ASIC2: variants seen among roughly 807,000 people sequenced by gnomAD.
ASIC2 encodes the protein acid-sensing ion channel 2.
A neutral mutation model predicts 57.3 loss-of-function variants in ASIC2; 25 were observed. That is an observed-to-expected ratio of 0.44 (90% CI 0.32 to 0.61). ASIC2 has a LOEUF of 0.61. ASIC2 is among the 20% of genes least tolerant of loss of function. The probability of loss-of-function intolerance (pLI) is 0.06; values close to 1 mark genes in which losing one functional copy is unlikely to be tolerated. For synonymous variants in ASIC2, 319 were observed against 307.5 expected (o/e 1.04, Z -0.39); for missense variants, 641 against 738.1 (o/e 0.87, Z 1.52).
chr17:33,198,321 C>T (rs111517952), intron 1 of ASIC2, among the ~76,000 whole-genome samples: 3,689 of 152,314 alleles, frequency 0.024, 145 homozygotes, highest in African/African-American at 0.084. Context: ...CACTGCACTC[C>T]AGTCTGGGTG....
intron 1 of ASIC2, among the ~76,000 whole-genome samples, chr17:33,960,038 A>C (rs1904869504): frequency 6.6e-6 from 1 of 152,236 alleles, no homozygotes; most frequent in Admixed American, 6.5e-5. Flanking sequence ...TGTGTGATCC[A>C]GCCTGACCCA....
intron 1 of ASIC2, among the ~76,000 whole-genome samples, chr17:33,402,464 G>T (rs1910318653): frequency 6.6e-6 from 1 of 152,090 alleles, no homozygotes; most frequent in African/African-American, 2.4e-5. Flanking sequence ...ACATGCCCTA[G>T]TGTGTATTGT....
intron 1 of ASIC2, among the ~76,000 whole-genome samples, chr17:33,863,589 T>A (rs570992605): frequency 6.6e-6 from 1 of 152,282 alleles, no homozygotes; most frequent in African/African-American, 2.4e-5. Context: ...TAGGGTCCAT[T>A]CTCTCATGAT....
At chr17:33,901,461 C>T (rs1393000920) in intron 1 of ASIC2, among the ~76,000 whole-genome samples, 1 of 152,148 alleles carries the variant, frequency 6.6e-6, no homozygotes, top group Non-Finnish European at 1.5e-5. Context: ...TTTCTTCTTC[C>T]ATTCCTCCCT....
At chr17:33,601,747 A>G (rs2142010331) in intron 1 of ASIC2, among the ~76,000 whole-genome samples, 1 of 152,316 alleles carries the variant, frequency 6.6e-6, no homozygotes, top group East Asian at 1.9e-4. Flanking sequence ...CTGTGAGAGA[A>G]TGAGTGGATT....
intron 1 of ASIC2, among the ~76,000 whole-genome samples, chr17:33,141,506 C>T (rs1904320111): frequency 1.3e-5 from 2 of 152,330 alleles, no homozygotes; most frequent in South Asian, 4.1e-4. Context: ...CCTTCAAGCA[C>T]AGAGCAAACA....
chr17:33,081,432 C>A (rs967068177), intron 3 of ASIC2, among the ~76,000 whole-genome samples: 3 of 152,304 alleles, frequency 2.0e-5, no homozygotes, highest in East Asian at 3.9e-4. Flanking sequence ...ACACAGCGGG[C>A]CATCTCACCT....
chr17:33,881,786 A>G (rs1322066684), intron 1 of ASIC2, among the ~76,000 whole-genome samples: 1 of 152,168 alleles, frequency 6.6e-6, no homozygotes, highest in Non-Finnish European at 1.5e-5. Context: ...AACCAAAAAA[A>G]AGCCCTCATT....
intron 1 of ASIC2, among the ~76,000 whole-genome samples, chr17:33,867,235 G>A (rs534743553): frequency 3.1e-4 from 46 of 149,968 alleles, no homozygotes; most frequent in Non-Finnish European, 6.5e-4. Flanking sequence ...AATATTTTTA[G>A]ATTTTCAGGC....
chr17:33,276,431 C>T (rs893166789), intron 1 of ASIC2, among the ~76,000 whole-genome samples: 5 of 152,154 alleles, frequency 3.3e-5, no homozygotes, highest in Non-Finnish European at 5.9e-5. Context: ...GTTATTGGCA[C>T]GGCTCCCTTA....
chr17:33,782,094 T>C (rs952457336), intron 1 of ASIC2, among the ~76,000 whole-genome samples: 1 of 152,182 alleles, frequency 6.6e-6, no homozygotes, highest in African/African-American at 2.4e-5. Context: ...TTTGCAGATA[T>C]TTTCTCCCAG....
intron 1 of ASIC2, among the ~76,000 whole-genome samples, chr17:33,481,539 T>C (rs1913404970): frequency 6.6e-6 from 1 of 152,142 alleles, no homozygotes; most frequent in Non-Finnish European, 1.5e-5. Flanking sequence ...AGTCCACAAA[T>C]CTTTGTCCTT....
At chr17:33,238,066 C>T (rs7212699) in intron 1 of ASIC2, among the ~76,000 whole-genome samples, 6,677 of 152,274 alleles carry the variant, frequency 0.044, 441 homozygotes, top group African/African-American at 0.14. Context: ...GCTAGAGCCA[C>T]TCAGCAATGT....
In ASIC2 at chr17:33,976,155, T is replaced by G. The variant is rs1429449826; in HGVS notation, c.555+179823A>C. 7.8e-3 allele frequency among the ~76,000 whole-genome samples: 1,181 copies of G among 151,196 alleles called. 10 individuals are homozygous for G. The highest frequency in any genetic ancestry group is 0.027 in the African/African-American group (1,099 of 41,256). On this transcript the variant is annotated intron_variant, in intron 1 of 9. Coordinates refer to the ASIC2 transcript ENST00000359872. Reference sequence around the variant, plus strand: ...CCATTTACAGATGATCTTGGATCATTTACAGATCCAAGATCATCTGTAAAT... The same window carrying G: ...CCATTTACAGATGATCTTGGATCATGTACAGATCCAAGATCATCTGTAAAT...
chr17:33,326,968 A>G (rs1907104497), intron 1 of ASIC2, among the ~76,000 whole-genome samples: 1 of 152,078 alleles, frequency 6.6e-6, no homozygotes, highest in Non-Finnish European at 1.5e-5. Context: ...ATGTACAAAT[A>G]CTTCCCCATA....
rs2142086495 is a variant in ASIC2, at chr17:33,725,298, G to A, written c.555+430680C>T. Among the ~76,000 whole-genome samples, 2 of 152,298 alleles carry A rather than the reference G, an allele frequency of 1.3e-5. 1 individual carries two copies. The highest frequency in any genetic ancestry group is 4.2e-4 in the South Asian group (2 of 4,818). ...AAGGGAAAATGTCATTTTGGTAAAGGGCTCAGCTTAAAGGAAGAAAAGCCA... is the reference window on the plus strand; with the variant it reads ...AAGGGAAAATGTCATTTTGGTAAAGAGCTCAGCTTAAAGGAAGAAAAGCCA... On this transcript the variant is annotated intron_variant, in intron 1 of 9. Transcript: ENST00000359872.
chr17:33,979,034 C>T (rs1197501287), intron 1 of ASIC2, among the ~76,000 whole-genome samples: 1 of 152,114 alleles, frequency 6.6e-6, no homozygotes, highest in Non-Finnish European at 1.5e-5. Flanking sequence ...TGTAAGGTGT[C>T]GGGCAGTCAA....
chr17:33,309,982 A>T (rs1447417982), intron 1 of ASIC2, among the ~76,000 whole-genome samples: 1 of 149,444 alleles, frequency 6.7e-6, no homozygotes, highest in East Asian at 2.0e-4. Context: ...TGTATTTATC[A>T]GTCAAAAATG....
intron 1 of ASIC2, among the ~76,000 whole-genome samples, chr17:33,324,493 T>C (rs1906990172): frequency 6.6e-6 from 1 of 152,038 alleles, no homozygotes; most frequent in African/African-American, 2.4e-5. Context: ...GACAGAGCCC[T>C]GCAAATATGA....
Sources: allele counts gnomAD v4.1 joint callset (sites outside exome capture counted in the v4.1 genomes callset), GRCh38; gene constraint gnomAD v4.1.1; transcripts MANE v1.5; gene names NCBI Gene and HGNC (gene_info 2026-07-23, HGNC 2026-07-21).